TCAIM: variants seen among roughly 807,000 people sequenced by gnomAD.
TCAIM encodes T-cell activation inhibitor, mitochondrial.
TCAIM carries 36 observed loss-of-function variants against 58.6 expected under a neutral mutation model. That is an observed-to-expected ratio of 0.61 (90% CI 0.47 to 0.81). TCAIM has a LOEUF of 0.81. TCAIM is among the 30% of genes least tolerant of loss of function. TCAIM has a pLI of 0.00. For synonymous variants in TCAIM, 172 were observed against 193.6 expected (o/e 0.89, Z 0.93); for missense variants, 466 against 579.6 (o/e 0.80, Z 2.01).
chr3:44,391,866 A>G (rs1292649935), intron 5 of TCAIM, among the ~76,000 whole-genome samples: 1 of 152,214 alleles, frequency 6.6e-6, no homozygotes, highest in Non-Finnish European at 1.5e-5. Flanking sequence ...CTATTCCTTC[A>G]TCAGGACCCA....
intron 3 of TCAIM, chr3:44,358,230 AGAGTTTTCAATGCCCTAGT>A (rs1701235750): frequency 6.5e-7 from 1 of 1,543,304 alleles, no homozygotes; most frequent in Non-Finnish European, 8.8e-7. Context: ...GATACATGGA[AGAGTTTTCAATGCCCTAGT>A]GATTTTTCCT....
At chr3:44,377,581 G>A (rs6799275) in intron 5 of TCAIM, among the ~76,000 whole-genome samples, 20 of 152,270 alleles carry the variant, frequency 1.3e-4, no homozygotes, top group African/African-American at 4.1e-4. Flanking sequence ...CATTCTTCTC[G>A]AGTCCACATG....
Position 44,354,799 on chromosome 3 carries a change from G to A in TCAIM, c.17G>A (p.Arg6Lys), listed in dbSNP as rs763142926. 1.4e-5 allele frequency: 23 copies of A among 1,611,294 alleles called. No individual in the cohort carries two copies. In the South Asian group the frequency reaches 2.4e-4, roughly 17 times the overall value. The change falls in exon 2 of 11, where the codon AGA becomes AAA. Residue 6 changes from arginine to lysine, a missense_variant. Coordinates refer to ENST00000342649, the MANE Select transcript of TCAIM (RefSeq NM_173826.4). ...TATTCAGAAATGTTTTGCCACCTGAGACCTATGAGGAGGTAAGCATCATGG... is the reference window on the plus strand; with the variant it reads ...TATTCAGAAATGTTTTGCCACCTGAAACCTATGAGGAGGTAAGCATCATGG... The part of the protein sequence containing the change: MFCHL[R>K]PMRRLCLEKI...
chr3:44,366,842 C>T (rs965602518), intron 4 of TCAIM, among the ~76,000 whole-genome samples: 13 of 152,210 alleles, frequency 8.5e-5, no homozygotes, highest in Admixed American at 7.9e-4. Flanking sequence ...GTTCATAATC[C>T]ACCCACCTTG....
chr3:44,373,458 G>C (rs1701512409), intron 5 of TCAIM, among the ~76,000 whole-genome samples: 1 of 150,554 alleles, frequency 6.6e-6, no homozygotes, highest in Non-Finnish European at 1.5e-5. Context: ...TTGATGTCAA[G>C]ATGGTGGCCA....
intron 10 of TCAIM, among the ~76,000 whole-genome samples, chr3:44,403,204 G>C (rs1702048778): frequency 2.0e-5 from 3 of 152,202 alleles, no homozygotes; most frequent in Non-Finnish European, 2.9e-5. Context: ...GGGAGGTGGA[G>C]CTTGCAGTGA....
chr3:44,354,768 C>T lies in TCAIM; in HGVS notation c.-15C>T. On this transcript the variant is annotated 5_prime_UTR_variant, in exon 2 of 11. Coordinates refer to ENST00000342649, the MANE Select transcript of TCAIM (RefSeq NM_173826.4). ...TAATGGATGCCTCGAAGTTGACGTA[C>T]ATATATATTCAGAAATGTTTTGCCA... 1 of 1,608,046 alleles carries T rather than the reference C, an allele frequency of 6.2e-7. No homozygotes were observed. Among genetic ancestry groups the T allele is most frequent in the South Asian group, 1.1e-5 (1 of 89,500 alleles).
At chr3:44,380,240 A>G (rs956728884) in intron 5 of TCAIM, among the ~76,000 whole-genome samples, 16 of 152,190 alleles carry the variant, frequency 1.1e-4, no homozygotes, top group East Asian at 1.9e-4. Context: ...ATAGTTTACA[A>G]TCATCAATCG....
chr3:44,385,564 A>T (rs1701725748), intron 5 of TCAIM, among the ~76,000 whole-genome samples: 1 of 152,142 alleles, frequency 6.6e-6, no homozygotes, highest in South Asian at 2.1e-4. Context: ...ACGTGGTGAA[A>T]CACTGTCTCT....
chr3:44,386,555 T>C (rs1055663456), intron 5 of TCAIM, among the ~76,000 whole-genome samples: 1 of 152,222 alleles, frequency 6.6e-6, no homozygotes, highest in Non-Finnish European at 1.5e-5. Flanking sequence ...CTCAGGGGCC[T>C]GGGAACCCCC....
chr3:44,381,976 G>A (rs573645000), intron 5 of TCAIM, among the ~76,000 whole-genome samples: 19 of 152,294 alleles, frequency 1.2e-4, no homozygotes, highest in African/African-American at 4.6e-4. Flanking sequence ...AAAGAAATTA[G>A]AGAAGATATA....
intron 1 of TCAIM, among the ~76,000 whole-genome samples, chr3:44,339,464 A>G (rs1575228284): frequency 6.6e-6 from 1 of 152,122 alleles, no homozygotes; most frequent in East Asian, 1.9e-4. Flanking sequence ...TTTTTCGTGT[A>G]CTCTTCCATA....
chr3:44,393,183 C>T (rs73090455), intron 6 of TCAIM, among the ~76,000 whole-genome samples: 27,407 of 152,016 alleles, frequency 0.18, 2,694 homozygotes, highest in Middle Eastern at 0.29. Flanking sequence ...TAAGGCTGTG[C>T]ACAGTGGCTC....
intron 8 of TCAIM, 35 bp downstream of exon 8, chr3:44,396,869 C>T: frequency 1.9e-6 from 3 of 1,574,616 alleles, no homozygotes; most frequent in South Asian, 1.1e-5. Context: ...AACTCCTTGT[C>T]ATTCATAAAC....
In TCAIM at chr3:44,392,957, A is replaced by T; in HGVS notation, c.675A>T (p.Gln225His). 6.2e-7 allele frequency: 1 copy of T among 1,611,976 alleles called. No homozygotes were observed. The highest frequency in any genetic ancestry group is 1.1e-5 in the South Asian group (1 of 90,740). ...LDRLKDELSHQLQLSDIRWQR... is the reference protein window; with the variant it reads ...LDRLKDELSHHLQLSDIRWQR... ...GTTTAAAAGATGAACTGTCTCATCA[A>T]TTGCAACTCTCAGATATCAGGTAAG... The change falls in exon 6 of 11, where the codon CAA becomes CAT. Residue 225 changes from glutamine to histidine, a missense_variant. Coordinates refer to ENST00000342649, the MANE Select transcript of TCAIM (RefSeq NM_173826.4).
intron 5 of TCAIM, among the ~76,000 whole-genome samples, chr3:44,386,550 G>A (rs1355502697): frequency 6.6e-6 from 1 of 152,242 alleles, no homozygotes; most frequent in East Asian, 1.9e-4. Flanking sequence ...GGGCTCTCAG[G>A]GGCCTGGGAA....
intron 5 of TCAIM, among the ~76,000 whole-genome samples, chr3:44,370,369 T>A (rs979786155): frequency 6.6e-6 from 1 of 150,558 alleles, no homozygotes; most frequent in African/African-American, 2.5e-5. Flanking sequence ...GGCAGGAGAA[T>A]CGCTTGAACC....
At chr3:44,365,635 G>A (rs576091869) in intron 4 of TCAIM, among the ~76,000 whole-genome samples, 30 of 152,046 alleles carry the variant, frequency 2.0e-4, no homozygotes, top group Admixed American at 9.8e-4. Flanking sequence ...CCTCATACGT[G>A]ATACACACAT....
At chr3:44,406,628 G>T (rs12497609) in intron 10 of TCAIM, among the ~76,000 whole-genome samples, 22,375 of 152,158 alleles carry the variant, frequency 0.15, 1,692 homozygotes, top group Admixed American at 0.17. Flanking sequence ...ACTTTTCTAT[G>T]CAGTGTTTAA....
Sources: allele counts gnomAD v4.1 joint callset (sites outside exome capture counted in the v4.1 genomes callset), GRCh38; gene constraint gnomAD v4.1.1; transcripts MANE v1.5; gene names NCBI Gene and HGNC (gene_info 2026-07-23, HGNC 2026-07-21).